Variants in PCDH15 observed in about 807,000 individuals in gnomAD.
PCDH15 encodes the protein protocadherin related 15.
PCDH15 carries 129 observed loss-of-function variants against 178.5 expected under a neutral mutation model. The observed-to-expected ratio is 0.72, with a 90% CI of 0.63 to 0.84. PCDH15 has a LOEUF of 0.84. PCDH15 is among the 40% of genes least tolerant of loss of function. The pLI, the probability that PCDH15 is intolerant of heterozygous loss-of-function variation, is 0.00. For synonymous variants in PCDH15, 800 were observed against 732.0 expected, an observed-to-expected ratio of 1.09 and a Z score of -1.50; for missense variants, 2,230 against 2,099.9, an observed-to-expected ratio of 1.06 and a Z score of -1.21.
chr10:55,620,928 C>A (rs1188750621), intron 2 of PCDH15, among the ~76,000 whole-genome samples: 1 of 151,548 alleles, frequency 6.6e-6, no homozygotes, highest in Non-Finnish European at 1.5e-5. Flanking sequence ...AAAATTTTGT[C>A]ATACATTTAT....
intron 1 of PCDH15, among the ~76,000 whole-genome samples, chr10:55,180,269 C>T (rs1484422050): frequency 6.6e-6 from 1 of 152,074 alleles, no homozygotes; most frequent in Non-Finnish European, 1.5e-5. Flanking sequence ...ATAATGTAGG[C>T]TGGCTCCAGT....
chr10:55,590,297 A>T (rs58484793), intron 2 of PCDH15, among the ~76,000 whole-genome samples: 2 of 119,140 alleles, frequency 1.7e-5, no homozygotes, highest in East Asian at 5.6e-4. Context: ...GGAACATCAC[A>T]CTCTGGGGAC....
chr10:55,177,914 G>A (rs961672622), intron 1 of PCDH15, among the ~76,000 whole-genome samples: 1 of 152,136 alleles, frequency 6.6e-6, no homozygotes, highest in African/African-American at 2.4e-5. Flanking sequence ...GTATGCAGTA[G>A]TCACCCTGAA....
intron 3 of PCDH15, among the ~76,000 whole-genome samples, chr10:54,461,120 A>G (rs1021489280): frequency 6.6e-6 from 1 of 152,086 alleles, no homozygotes; most frequent in African/African-American, 2.4e-5. Context: ...TATGCAATTC[A>G]GAAGCAACAT....
At chr10:54,890,634 C>T (rs138599979) in intron 3 of PCDH15, among the ~76,000 whole-genome samples, 97 of 152,018 alleles carry the variant, frequency 6.4e-4, no homozygotes, top group African/African-American at 2.3e-3. Context: ...AAGGTAAGGA[C>T]AGAATAACAA....
In PCDH15 at chr10:54,240,626, C is replaced by CTTTT. The variant is rs1228784141; in HGVS notation, c.877-3699_877-3696dup. Among the ~76,000 whole-genome samples, 261 of 79,676 alleles carry CTTTT rather than the reference C, an allele frequency of 3.3e-3. 1 individual carries two copies. The highest frequency in any genetic ancestry group is 4.2e-3 in the Non-Finnish European group (186 of 43,978). The allele number at this position is 79,676 out of a possible 152,430, so 52.3% of individuals were successfully genotyped here. On this transcript the variant is annotated intron_variant, in intron 8 of 37. Coordinates refer to ENST00000644397, the MANE Select transcript of PCDH15 (RefSeq NM_001384140.1). The stretch of plus-strand genomic sequence containing the variant: ...AAATTCTGTTATTTATTTTCTTTTG[C>CTTTT]TTTTTTTTTTTTTTTTTTTTTTTGA...
intron 28 of PCDH15, among the ~76,000 whole-genome samples, chr10:53,843,783 AACTC>A (rs2077806994): frequency 6.6e-6 from 1 of 152,106 alleles, no homozygotes; most frequent in Non-Finnish European, 1.5e-5. Flanking sequence ...ATTATAGCAA[AACTC>A]ACTCAGGGAA....
At chr10:54,980,909 T>C (rs1839217838) in intron 2 of PCDH15, among the ~76,000 whole-genome samples, 1 of 152,060 alleles carries the variant, frequency 6.6e-6, no homozygotes, top group Admixed American at 6.6e-5. Flanking sequence ...CTGATTTTCA[T>C]AGAAAATTGC....
chr10:54,409,836 T>A, intron 3 of PCDH15, among the ~76,000 whole-genome samples: 1 of 152,136 alleles, frequency 6.6e-6, no homozygotes, highest in Non-Finnish European at 1.5e-5. Context: ...AGATGTGAGC[T>A]GACTTGGGTG....
chr10:53,977,550 G>A (rs2660194), intron 21 of PCDH15, among the ~76,000 whole-genome samples: 2,098 of 152,248 alleles, frequency 0.014, 41 homozygotes, highest in African/African-American at 0.047. Flanking sequence ...TTCAAGATAA[G>A]ATTTGGGTGG....
chr10:53,881,869 T>C (rs1436780357), intron 26 of PCDH15, among the ~76,000 whole-genome samples: 1 of 152,156 alleles, frequency 6.6e-6, no homozygotes, highest in African/African-American at 2.4e-5. Flanking sequence ...TGGTCAGAGA[T>C]TGCAGTGATT....
intron 1 of PCDH15, among the ~76,000 whole-genome samples, chr10:54,730,778 T>C (rs974814220): frequency 1.5e-4 from 23 of 151,460 alleles, no homozygotes; most frequent in South Asian, 1.0e-3. Context: ...GACTTAAATT[T>C]AAACCTGAAA....
chr10:54,046,124 G>T (rs924757708), intron 18 of PCDH15, among the ~76,000 whole-genome samples: 1 of 152,074 alleles, frequency 6.6e-6, no homozygotes, highest in African/African-American at 2.4e-5. Flanking sequence ...TGCTAATCAC[G>T]ATCATAATGC....
At chr10:55,578,152 T>C (rs1842531314) in intron 2 of PCDH15, among the ~76,000 whole-genome samples, 1 of 152,132 alleles carries the variant, frequency 6.6e-6, no homozygotes, top group East Asian at 1.9e-4. Flanking sequence ...TTAAGCCAGG[T>C]TGAAAGTTCA....
intron 2 of PCDH15, among the ~76,000 whole-genome samples, chr10:55,413,057 T>G (rs1249382413): frequency 2.6e-5 from 4 of 151,842 alleles, no homozygotes; most frequent in African/African-American, 9.7e-5. Flanking sequence ...ATGAATAAAC[T>G]AAATCTTATG....
At chr10:54,825,423 G>T (rs868761923) in intron 3 of PCDH15, among the ~76,000 whole-genome samples, 3 of 147,696 alleles carry the variant, frequency 2.0e-5, no homozygotes, top group Admixed American at 1.4e-4. Flanking sequence ...GGTATTTCTA[G>T]TTCTAGATCC....
intron 3 of PCDH15, among the ~76,000 whole-genome samples, chr10:54,426,405 G>C (rs538786785): frequency 1.3e-5 from 2 of 152,266 alleles, no homozygotes; most frequent in South Asian, 4.1e-4. Flanking sequence ...ACAGTTCACA[G>C]TAGAGCTGGT....
At chr10:55,576,839 C>A (rs1842506348) in intron 2 of PCDH15, among the ~76,000 whole-genome samples, 1 of 152,174 alleles carries the variant, frequency 6.6e-6, no homozygotes, top group Non-Finnish European at 1.5e-5. Context: ...ATTTGCATCT[C>A]ATCTCCAAAA....
intron 27 of PCDH15, 99 bp downstream of exon 27, chr10:53,866,543 A>G (rs1251814587): frequency 8.1e-6 from 7 of 860,766 alleles, no homozygotes; most frequent in Non-Finnish European, 1.3e-5. Context: ...GTTTTTGAAA[A>G]CCCGTTTTAA....
Sources: allele counts gnomAD v4.1 joint callset (sites outside exome capture counted in the v4.1 genomes callset), GRCh38; gene constraint gnomAD v4.1.1; transcripts MANE v1.5; gene names NCBI Gene and HGNC (gene_info 2026-07-23, HGNC 2026-07-21).